DDX24: variants seen among roughly 807,000 people sequenced by gnomAD.
DDX24 encodes the protein ATP-dependent RNA helicase DDX24.
A neutral mutation model predicts 68.9 loss-of-function variants in DDX24; 24 were observed. The observed-to-expected ratio is 0.35, with a 90% CI of 0.25 to 0.49. DDX24 has a LOEUF of 0.49. Among genes scored for constraint, DDX24 ranks in the 20% least tolerant of loss-of-function variants. The pLI, the probability that DDX24 is intolerant of heterozygous loss-of-function variation, is 0.99. For synonymous variants in DDX24, 395 were observed against 385.2 expected, an observed-to-expected ratio of 1.03 and a Z score of -0.30; for missense variants, 989 against 1,039.0, an observed-to-expected ratio of 0.95 and a Z score of 0.66.
At chr14:94,080,699 AAAACAAAAAAC>A (rs1810831397) in intron 1 of DDX24, among the ~76,000 whole-genome samples, 1 of 150,646 alleles carries the variant, frequency 6.6e-6, no homozygotes, top group East Asian at 2.0e-4. Flanking sequence ...CCACGGCAAA[AAAACAAAAAAC>A]AAACAAAAAA....
intron 8 of DDX24, 22 bp downstream of exon 8, chr14:94,052,976 C>T (rs371686365): frequency 5.0e-5 from 79 of 1,591,010 alleles, no homozygotes; most frequent in Non-Finnish European, 6.0e-5. Context: ...TTCCTCAATT[C>T]CCATCCCGCC....
At chr14:94,056,196 A>G (rs1885489311) in intron 6 of DDX24, 1 of 152,224 alleles carries the variant, frequency 6.6e-6, no homozygotes, top group Admixed American at 6.5e-5. Flanking sequence ...ATACAGTGAA[A>G]TATGTATTTG....
chr14:94,057,420 C>G (rs1885511405), intron 6 of DDX24: 1 of 167,496 alleles, frequency 6.0e-6, no homozygotes, highest in African/African-American at 2.4e-5. Flanking sequence ...CATGAGAAAA[C>G]TGAGATACAG....
chr14:94,051,533 AAC>A (rs1885389056), intron 8 of DDX24, 71 bp from the exon 9 acceptor site: 3 of 1,488,336 alleles, frequency 2.0e-6, no homozygotes, highest in African/African-American at 1.4e-5. Flanking sequence ...CTTGATGGGT[AAC>A]ACAGTGAAAA....
intron 2 of DDX24, among the ~76,000 whole-genome samples, chr14:94,075,542 T>C (rs1885920540): frequency 3.3e-5 from 5 of 152,194 alleles, no homozygotes; most frequent in African/African-American, 9.7e-5. Context: ...CTAAGACTAT[T>C]AACACTTCTA....
chr14:94,067,929 G>C (rs1885738673), intron 2 of DDX24, among the ~76,000 whole-genome samples: 2 of 152,018 alleles, frequency 1.3e-5, no homozygotes, highest in Admixed American at 6.5e-5. Context: ...AGACATACAA[G>C]TTAAAAAGCA....
chr14:94,053,272 C>G, intron 7 of DDX24, 145 bp from the exon 8 acceptor site: 1 of 1,028,552 alleles, frequency 9.7e-7, no homozygotes, highest in South Asian at 1.7e-5. Flanking sequence ...TCATGGCTCA[C>G]TGCAGCCTCA....
At chr14:94,065,199 C>CCACCA (rs1567060009) in intron 2 of DDX24, among the ~76,000 whole-genome samples, 1 of 151,994 alleles carries the variant, frequency 6.6e-6, no homozygotes. Flanking sequence ...CAGGCATCTG[C>CCACCA]CACCACACCC....
rs899030806 is a variant in DDX24, at chr14:94,048,440, G to C, written c.*2751C>G. On this transcript the variant is annotated 3_prime_UTR_variant, in exon 9 of 9. Coordinates refer to ENST00000621632, the MANE Select transcript of DDX24 (RefSeq NM_020414.4). ...TGAGAGCTCTGGAGCCAGAATGCCA[G>C]GGTTCTAACTTCAGCATTCACTTAC... 4.6e-5 allele frequency: 7 copies of C among 152,220 alleles called. No individual in the cohort carries two copies. Among genetic ancestry groups the C allele is most frequent in the Admixed American group, 3.3e-4 (5 of 15,282 alleles). The allele number at this position is 152,220 out of a possible 1,614,324, so 9.4% of individuals were successfully genotyped here.
intron 5 of DDX24, among the ~76,000 whole-genome samples, chr14:94,058,669 A>C (rs1395956931): frequency 6.6e-6 from 1 of 152,134 alleles, no homozygotes; most frequent in Non-Finnish European, 1.5e-5. Flanking sequence ...AAAGTACTTG[A>C]GGTGCTTCAA....
In DDX24 at chr14:94,051,057, C is replaced by G. The variant is rs1238068334; in HGVS notation, c.*134G>C. On this transcript the variant is annotated 3_prime_UTR_variant, in exon 9 of 9. Coordinates refer to ENST00000621632, the MANE Select transcript of DDX24 (RefSeq NM_020414.4). ...GCAAATCTGCATGAGGTCTCTCCCGCTATGGGTGTGAGTGGAAGAGAGGGA... is the reference window on the plus strand; with the variant it reads ...GCAAATCTGCATGAGGTCTCTCCCGGTATGGGTGTGAGTGGAAGAGAGGGA... The G allele has an allele frequency of 1.9e-6, 2 of 1,072,450 alleles. No individual in the cohort carries two copies. Among genetic ancestry groups the G allele is most frequent in the Non-Finnish European group, 1.3e-6 (1 of 763,910 alleles). The allele number at this position is 1,072,450 out of a possible 1,614,324, so 66.4% of individuals were successfully genotyped here. A position where few individuals can be genotyped will look rare whatever the true frequency, so the allele number is the denominator to read the frequency against.
chr14:94,060,956 T>C lies in DDX24; in HGVS notation c.1354A>G (p.Ile452Val), dbSNP rs1190147208. The C allele has an allele frequency of 2.5e-6, 4 of 1,614,220 alleles. No individual in the cohort carries two copies. The South Asian group carries it at 4.4e-5, about 18-fold the overall frequency. The change falls in exon 4 of 9, where the codon ATT (isoleucine) becomes GTT (valine). Residue 452 changes from isoleucine to valine, a missense_variant. Ile to Val is a conservative substitution (Grantham distance 29, BLOSUM62 3). Transcript: ENST00000621632. ...CTCAAATGATAATGCTTTTCTTTAATTAATTCCCACAGCCGGCCTGGAGTA... is the reference window on the plus strand; with the variant it reads ...CTCAAATGATAATGCTTTTCTTTAACTAATTCCCACAGCCGGCCTGGAGTA... ...VATPGRLWELIKEKHYHLRNL... is the reference protein window; with the variant it reads ...VATPGRLWELVKEKHYHLRNL...
At chr14:94,076,501 T>C (rs1431155012) in intron 2 of DDX24, among the ~76,000 whole-genome samples, 4 of 151,758 alleles carry the variant, frequency 2.6e-5, no homozygotes, top group Non-Finnish European at 4.4e-5. Flanking sequence ...ACCAACATAG[T>C]GAAACCCCGT....
At chr14:94,064,763 T>C (rs1170473327) in intron 2 of DDX24, among the ~76,000 whole-genome samples, 1 of 152,238 alleles carries the variant, frequency 6.6e-6, no homozygotes, top group East Asian at 1.9e-4. Context: ...TTTCCCTGAA[T>C]TCTGTCAGGC....
At chr14:94,073,188 C>G (rs1885869225) in intron 2 of DDX24, among the ~76,000 whole-genome samples, 1 of 151,210 alleles carries the variant, frequency 6.6e-6, no homozygotes, top group East Asian at 1.9e-4. Context: ...TGGGTTCAAG[C>G]AATTCTTGTG....
At chr14:94,071,291 A>G (rs867278792) in intron 2 of DDX24, among the ~76,000 whole-genome samples, 6 of 152,360 alleles carry the variant, frequency 3.9e-5, no homozygotes, top group African/African-American at 1.4e-4. Flanking sequence ...AATGCAAAGC[A>G]AAACCACAAT....
Position 94,051,178 on chromosome 14 carries a change from C to G in DDX24, c.*13G>C. 6.9e-7 allele frequency: 1 copy of G among 1,454,432 alleles called. No homozygotes were observed. The highest frequency in any genetic ancestry group is 9.0e-7 in the Non-Finnish European group (1 of 1,105,758). 90.1% of individuals were successfully genotyped at this position (1,454,432 alleles called of 1,614,324 possible). A position where few individuals can be genotyped will look rare whatever the true frequency, so the allele number is the denominator to read the frequency against. On this transcript the variant is annotated 3_prime_UTR_variant, in exon 9 of 9. Transcript: ENST00000621632. ...ACAGAAACCAATGTGCAGTCACTGACACACTTGACCAGTTAATTTGCACTT... is the reference window on the plus strand; with the variant it reads ...ACAGAAACCAATGTGCAGTCACTGAGACACTTGACCAGTTAATTTGCACTT...
At chr14:94,073,557 A>G (rs1885876057) in intron 2 of DDX24, among the ~76,000 whole-genome samples, 1 of 151,724 alleles carries the variant, frequency 6.6e-6, no homozygotes, top group African/African-American at 2.4e-5. Context: ...TCAATACCAA[A>G]GGACATTTTA....
intron 2 of DDX24, among the ~76,000 whole-genome samples, chr14:94,076,052 AAAACTCT>A (rs1567062409): frequency 5.3e-5 from 8 of 152,358 alleles, no homozygotes; most frequent in Non-Finnish European, 1.2e-4. Context: ...ATCACTTTGG[AAAACTCT>A]TTAAAAGTTA....
Sources: allele counts gnomAD v4.1 joint callset (sites outside exome capture counted in the v4.1 genomes callset), GRCh38; gene constraint gnomAD v4.1.1; transcripts MANE v1.5; gene names NCBI Gene and HGNC (gene_info 2026-07-23, HGNC 2026-07-21).